The following COG6 variants were observed in gnomAD, a reference collection of about 807,000 sequenced individuals.
The protein encoded by COG6 is component of oligomeric golgi complex 6.
COG6 carries 74 observed loss-of-function variants against 88.8 expected under a neutral mutation model. That is an observed-to-expected ratio of 0.83 (90% CI 0.69 to 1.01). The LOEUF is 1.01. COG6 is among the 50% of genes least tolerant of loss of function. The probability of loss-of-function intolerance (pLI) is 0.00; values close to 1 mark genes in which losing one functional copy is unlikely to be tolerated. For missense variants in COG6, 800 were observed against 797.9 expected (o/e 1.00, Z -0.03); for synonymous variants, 286 against 278.7 (o/e 1.03, Z -0.26).
intron 1 of COG6, chr13:39,656,818 C>A: frequency 2.2e-6 from 1 of 455,920 alleles, no homozygotes; most frequent in East Asian, 6.9e-5. Context: ...ATCTCAGCTT[C>A]TGTTTAGGAA....
At chr13:39,781,749 C>G (rs1036545383) in intron 18 of COG6, among the ~76,000 whole-genome samples, 1 of 152,120 alleles carries the variant, frequency 6.6e-6, no homozygotes, top group Non-Finnish European at 1.5e-5. Flanking sequence ...CCAAAAGCAC[C>G]TGGCAGGGTC....
intron 12 of COG6, among the ~76,000 whole-genome samples, chr13:39,696,478 A>G (rs954266550): frequency 2.0e-5 from 3 of 151,886 alleles, no homozygotes; most frequent in Admixed American, 2.0e-4. Context: ...ATGGATGTGA[A>G]TAATATGAAG....
intron 8 of COG6, among the ~76,000 whole-genome samples, chr13:39,686,605 G>T (rs1876653342): frequency 2.0e-5 from 3 of 152,182 alleles, no homozygotes; most frequent in Admixed American, 2.0e-4. Context: ...TAATATTGGA[G>T]TCAAAATAAG....
intron 13 of COG6, among the ~76,000 whole-genome samples, chr13:39,711,064 G>T (rs1018540545): frequency 1.3e-5 from 2 of 151,340 alleles, no homozygotes; most frequent in African/African-American, 4.9e-5. Context: ...AGAAACAAAT[G>T]GTAAACTCAA....
intron 18 of COG6, among the ~76,000 whole-genome samples, chr13:39,760,152 T>C (rs1257226328): frequency 6.6e-6 from 1 of 152,192 alleles, no homozygotes; most frequent in Non-Finnish European, 1.5e-5. Flanking sequence ...CATCAAAAAT[T>C]GGTCTCCTGT....
At position 39,677,311 on chromosome 13, in the gene COG6, A is replaced by T. The variant is rs942066848; in HGVS notation, c.429-157A>T. On this transcript the variant is annotated intron_variant, in intron 4 of 18. Coordinates refer to ENST00000455146, the MANE Select transcript of COG6 (RefSeq NM_020751.3). ...ATTTTATCACCTACATGTCTGATAA[A>T]ATTCTAATATTTGAGGCAGAAACAA... 3.3e-5 allele frequency among the ~76,000 whole-genome samples: 5 copies of T among 152,194 alleles called. No homozygotes were observed. The South Asian group carries it at 1.0e-3, about 31-fold the overall frequency.
chr13:39,740,954 T>C (rs1250736877), intron 18 of COG6, among the ~76,000 whole-genome samples: 1 of 152,200 alleles, frequency 6.6e-6, no homozygotes, highest in African/African-American at 2.4e-5. Flanking sequence ...CAGAATCTGA[T>C]GTTGAAATAG....
intron 18 of COG6, among the ~76,000 whole-genome samples, chr13:39,778,677 G>A (rs1881541727): frequency 6.6e-6 from 1 of 152,230 alleles, no homozygotes; most frequent in Admixed American, 6.5e-5. Flanking sequence ...CTCTAAGTCA[G>A]AGATTCAGAA....
chr13:39,780,674 A>G (rs535931215), intron 18 of COG6, among the ~76,000 whole-genome samples: 1 of 152,248 alleles, frequency 6.6e-6, no homozygotes, highest in Admixed American at 6.5e-5. Context: ...GACATAGAAT[A>G]TTATTTTCAA....
At chr13:39,776,165 G>A (rs1442622800) in intron 18 of COG6, among the ~76,000 whole-genome samples, 1 of 152,144 alleles carries the variant, frequency 6.6e-6, no homozygotes, top group East Asian at 1.9e-4. Context: ...AAGAATAGTA[G>A]TATCAGCACT....
At chr13:39,760,353 A>G (rs1314572414) in intron 18 of COG6, among the ~76,000 whole-genome samples, 2 of 152,128 alleles carry the variant, frequency 1.3e-5, no homozygotes, top group Non-Finnish European at 2.9e-5. Context: ...AGTATTCCAC[A>G]TAGTTGCCAT....
rs537921969 is a variant in COG6 at position 39,749,751 on chromosome 13, A to G, written c.1827-1195A>G. Reference sequence around the variant, plus strand: ...CTGAGATCAGCAAACCAGAGCCCAGAGAACAGTCAAGGGTTGCACTGGAAT... The same window carrying G: ...CTGAGATCAGCAAACCAGAGCCCAGGGAACAGTCAAGGGTTGCACTGGAAT... On this transcript the variant is annotated intron_variant, in intron 18 of 18. Transcript: ENST00000455146. 5.9e-5 allele frequency among the ~76,000 whole-genome samples: 9 copies of G among 152,316 alleles called. No homozygotes were observed. In the East Asian group the frequency reaches 1.7e-3, roughly 29 times the overall value.
chr13:39,733,225 G>T (rs1254222277), intron 18 of COG6, among the ~76,000 whole-genome samples: 2 of 141,598 alleles, frequency 1.4e-5, no homozygotes, highest in Admixed American at 7.3e-5. Context: ...GAGTCTTGCT[G>T]TGTCACCCAG....
chr13:39,712,958 C>T (rs944683437), intron 13 of COG6, among the ~76,000 whole-genome samples: 3 of 152,140 alleles, frequency 2.0e-5, no homozygotes, highest in Non-Finnish European at 2.9e-5. Context: ...GTCAAACATA[C>T]AGAATAAGAA....
In COG6 at chr13:39,730,306, T is replaced by TTTCA. The variant is rs529219769; in HGVS notation, c.1826+2763_1826+2766dup. The stretch of plus-strand genomic sequence containing the variant: ...TTTCTTAGTACCTATTTACCTCTGT[T>TTTCA]TTCATTCAGAAATATTTTTAAATGT... On this transcript the variant is annotated intron_variant, in intron 18 of 18. Transcript: ENST00000455146. Among the ~76,000 whole-genome samples, 22 of 152,220 alleles carry TTTCA rather than the reference T, an allele frequency of 1.4e-4. No homozygotes were observed. The South Asian group carries it at 4.6e-3, about 32-fold the overall frequency.
intron 10 of COG6, 80 bp from the exon 11 acceptor site, chr13:39,689,677 ATAT>A (rs1353433310): frequency 1.2e-5 from 10 of 822,052 alleles, no homozygotes; most frequent in Non-Finnish European, 2.1e-5. Context: ...TATGTATTAT[ATAT>A]TATTTGTTAG....
intron 1 of COG6, 172 bp downstream of exon 1, chr13:39,656,051 AGGG>A (rs1326070829): frequency 1.2e-6 from 1 of 832,282 alleles, no homozygotes; most frequent in Non-Finnish European, 2.0e-6. Context: ...GGCGGTGAGA[AGGG>A]GGAGCCCCAG....
intron 13 of COG6, among the ~76,000 whole-genome samples, chr13:39,699,981 A>T (rs1028887377): frequency 2.0e-5 from 3 of 151,828 alleles, no homozygotes; most frequent in African/African-American, 7.2e-5. Flanking sequence ...CAAACAGCTT[A>T]TATTTTTACC....
At chr13:39,692,399 A>G (rs1877031780) in intron 11 of COG6, among the ~76,000 whole-genome samples, 1 of 152,006 alleles carries the variant, frequency 6.6e-6, no homozygotes, top group South Asian at 2.1e-4. Context: ...AGTGTAGTGT[A>G]TGCTACAGAC....
Sources: gnomAD v4.1 joint callset for allele counts (sites outside exome capture counted in the v4.1 genomes callset) on GRCh38, gnomAD v4.1.1 for gene constraint, MANE v1.5 for transcripts, NCBI Gene and HGNC (gene_info 2026-07-23, HGNC 2026-07-21) for gene names.